Variants in MAF observed in about 807,000 individuals in gnomAD.
MAF encodes MAF bZIP transcription factor, also known as transcription factor Maf.
MAF carries 10 observed loss-of-function variants against 22.0 expected under a neutral mutation model. The ratio of observed to expected loss-of-function variants is 0.45; its 90% CI spans 0.28 to 0.77. The LOEUF is 0.77. MAF is among the 30% of genes least tolerant of loss of function. The pLI, the probability that MAF is intolerant of heterozygous loss-of-function variation, is 0.12. For missense variants in MAF, 544 were observed against 548.4 expected (o/e 0.99, Z 0.08); for synonymous variants, 337 against 255.8 (o/e 1.32, Z -3.03).
At chr16:79,554,191 A>T in the MAF span, among the ~76,000 whole-genome samples, 1 of 152,220 alleles carries the variant, frequency 6.6e-6, no homozygotes, top group Non-Finnish European at 1.5e-5. Flanking sequence ...TGAGCTAGCA[A>T]CTACACAGAT....
chr16:79,433,739 G>A, the MAF span, among the ~76,000 whole-genome samples: 1 of 152,162 alleles, frequency 6.6e-6, no homozygotes, highest in Non-Finnish European at 1.5e-5. Flanking sequence ...CTGGATGATA[G>A]TATCACATGA....
the MAF span, among the ~76,000 whole-genome samples, chr16:79,573,712 C>T: frequency 7.9e-5 from 12 of 152,010 alleles, no homozygotes; most frequent in East Asian, 3.9e-4. Flanking sequence ...GAAAAAAAGA[C>T]GAACTTTCTA....
At chr16:79,474,589 C>T in the MAF span, among the ~76,000 whole-genome samples, 10 of 152,144 alleles carry the variant, frequency 6.6e-5, no homozygotes, top group Non-Finnish European at 1.5e-4. Context: ...GGGAGAGCCT[C>T]AGGTGTTAAT....
the MAF span, among the ~76,000 whole-genome samples, chr16:79,299,925 A>G: frequency 1.3e-5 from 2 of 152,224 alleles, no homozygotes; most frequent in African/African-American, 4.8e-5. Context: ...CTTGGCAAAC[A>G]GGGCTTTCTG....
the MAF span, among the ~76,000 whole-genome samples, chr16:79,227,455 T>C: frequency 6.6e-6 from 1 of 152,096 alleles, no homozygotes; most frequent in Non-Finnish European, 1.5e-5. Flanking sequence ...GCCAGGTCAG[T>C]ATTCAACAAG....
At chr16:79,426,222 A>AAAT in the MAF span, among the ~76,000 whole-genome samples, 1 of 151,716 alleles carries the variant, frequency 6.6e-6, no homozygotes, top group Non-Finnish European at 1.5e-5. Flanking sequence ...AAAAAAAAAA[A>AAAT]TTAACATCTT....
chr16:79,499,495 T>A, the MAF span, among the ~76,000 whole-genome samples: 84 of 152,334 alleles, frequency 5.5e-4, no homozygotes, highest in Non-Finnish European at 5.4e-4. Flanking sequence ...AAAATTCATA[T>A]GTTGAAATCC....
At chr16:79,379,184 G>T in the MAF span, among the ~76,000 whole-genome samples, 5 of 152,192 alleles carry the variant, frequency 3.3e-5, no homozygotes, top group South Asian at 8.3e-4. Flanking sequence ...ACTTGGTAAA[G>T]AGAAACAGCT....
the MAF span, among the ~76,000 whole-genome samples, chr16:79,221,130 T>C: frequency 1.3e-5 from 2 of 152,220 alleles, no homozygotes; most frequent in African/African-American, 4.8e-5. Flanking sequence ...TCGAAGACTT[T>C]CTTGACTGCG....
At chr16:79,577,513 G>C in the MAF span, among the ~76,000 whole-genome samples, 1 of 152,110 alleles carries the variant, frequency 6.6e-6, no homozygotes, top group Non-Finnish European at 1.5e-5. Context: ...CATAGATCTG[G>C]TGTCCAGGAG....
chr16:79,543,682 T>C, the MAF span, among the ~76,000 whole-genome samples: 4,343 of 150,816 alleles, frequency 0.029, 107 homozygotes, highest in African/African-American at 0.06. Flanking sequence ...TTTTCTTTTT[T>C]TTTTTTTCTT....
At chr16:79,448,716 C>T in the MAF span, among the ~76,000 whole-genome samples, 48 of 151,866 alleles carry the variant, frequency 3.2e-4, 1 homozygote, top group South Asian at 2.3e-3. Context: ...TGAGCCACTG[C>T]GCCTGGCCTG....
At chr16:79,505,123 T>C in the MAF span, among the ~76,000 whole-genome samples, 1 of 152,334 alleles carries the variant, frequency 6.6e-6, no homozygotes, top group East Asian at 1.9e-4. Flanking sequence ...GTTATTTTAT[T>C]AACTCATTTT....
the MAF span, among the ~76,000 whole-genome samples, chr16:79,542,860 G>C: frequency 1.3e-5 from 2 of 152,328 alleles, no homozygotes; most frequent in East Asian, 3.9e-4. Context: ...CAAGGCAGTT[G>C]GTTTCCACAT....
At chr16:79,211,953 A>T in the MAF span, 1 of 1,536,526 alleles carries the variant, frequency 6.5e-7, no homozygotes, top group Non-Finnish European at 8.7e-7. Flanking sequence ...CTTAAGTACC[A>T]ATGGGAAGCA....
chr16:79,279,835 A>G, the MAF span, among the ~76,000 whole-genome samples: 1 of 152,026 alleles, frequency 6.6e-6, no homozygotes, highest in Non-Finnish European at 1.5e-5. Context: ...ACTCTCCCAG[A>G]GCTTTGGCAG....
the MAF span, among the ~76,000 whole-genome samples, chr16:79,459,792 G>A: frequency 2.6e-5 from 4 of 152,162 alleles, no homozygotes; most frequent in South Asian, 4.1e-4. Context: ...TTGATCTCCT[G>A]GACTCAAGTG....
At chr16:79,350,629 G>A in the MAF span, among the ~76,000 whole-genome samples, 1 of 152,134 alleles carries the variant, frequency 6.6e-6, no homozygotes, top group Non-Finnish European at 1.5e-5. Context: ...GTCCTTCCCA[G>A]CCAACAGTGG....
chr16:79,467,430 G>C, the MAF span, among the ~76,000 whole-genome samples: 1 of 152,276 alleles, frequency 6.6e-6, no homozygotes, highest in South Asian at 2.1e-4. Context: ...TGGGTGTTTT[G>C]CAGGCATGAA....
Sources: gnomAD v4.1 joint callset for allele counts (sites outside exome capture counted in the v4.1 genomes callset) on GRCh38, gnomAD v4.1.1 for gene constraint, MANE v1.5 for transcripts, NCBI Gene and HGNC (gene_info 2026-07-23, HGNC 2026-07-21) for gene names.